FAAH2: variants seen among roughly 807,000 people sequenced by gnomAD.
FAAH2 encodes fatty acid amide hydrolase 2.
A neutral mutation model predicts 36.9 loss-of-function variants in FAAH2; 60 were observed. The ratio of observed to expected loss-of-function variants is 1.63; its 90% confidence interval spans 1.32 to 2.02. The LOEUF (loss-of-function observed/expected upper bound fraction) is 2.02. Ranked by LOEUF, FAAH2 falls within the 30% of genes most tolerant of loss-of-function variation. The pLI, the probability that FAAH2 is intolerant of heterozygous loss-of-function variation, is 0.00. For missense variants in FAAH2, 689 were observed against 397.5 expected, an observed-to-expected ratio of 1.73 and a Z score of -6.23; for synonymous variants, 214 against 143.8, an observed-to-expected ratio of 1.49 and a Z score of -3.49.
chrX:57,309,255 A>T (rs906819905), intron 2 of FAAH2, among the ~76,000 whole-genome samples: 1 of 111,763 alleles, frequency 8.9e-6, no homozygotes, highest in African/African-American at 3.2e-5. Flanking sequence ...ATTATAGAAC[A>T]TTTGCAAAAA....
chrX:57,258,787 C>T, the FAAH2 span, among the ~76,000 whole-genome samples: 1 of 105,137 alleles, frequency 9.5e-6, no homozygotes, highest in South Asian at 4.4e-4. Flanking sequence ...AGGCTCGCTG[C>T]AAGCTCCGCC....
chrX:57,381,602 G>A (rs2054852192), intron 7 of FAAH2: 3 of 581,050 alleles, frequency 5.2e-6, no homozygotes, highest in Non-Finnish European at 6.2e-6. Flanking sequence ...AATGGTAAAG[G>A]GATCAATTCA....
intron 5 of FAAH2, among the ~76,000 whole-genome samples, chrX:57,370,937 A>T (rs898443285): frequency 1.8e-5 from 2 of 111,469 alleles, no homozygotes; most frequent in Non-Finnish European, 3.8e-5. Flanking sequence ...AAGTTTGGGG[A>T]TCACTGCTCT....
the FAAH2 span, among the ~76,000 whole-genome samples, chrX:57,163,836 C>G: frequency 1.4e-4 from 16 of 112,525 alleles, no homozygotes; most frequent in East Asian, 3.9e-3. Context: ...GTTGCTCACG[C>G]TGGGAGCTGT....
chrX:57,299,591 G>A (rs2052272977), intron 2 of FAAH2, among the ~76,000 whole-genome samples: 1 of 111,938 alleles, frequency 8.9e-6, no homozygotes, highest in Non-Finnish European at 1.9e-5. Flanking sequence ...ACATAGTGTT[G>A]GAAGTTCTGT....
the FAAH2 span, among the ~76,000 whole-genome samples, chrX:57,173,000 C>T: frequency 1.8e-5 from 2 of 111,747 alleles, no homozygotes; most frequent in East Asian, 5.7e-4. Flanking sequence ...AACAAAAATG[C>T]CTGTCCTCAT....
At chrX:57,417,454 G>A (rs182927993) in intron 7 of FAAH2, among the ~76,000 whole-genome samples, 23 of 111,862 alleles carry the variant, frequency 2.1e-4, no homozygotes, top group Admixed American at 1.4e-3. Context: ...ATCCCTTTTG[G>A]TTTGTTAGTC....
At chrX:57,483,141 G>A (rs1351790964) in intron 10 of FAAH2, among the ~76,000 whole-genome samples, 20 of 111,318 alleles carry the variant, frequency 1.8e-4, no homozygotes, top group Non-Finnish European at 7.5e-5. Flanking sequence ...TCTTAGAAAT[G>A]CCAATATGTT....
At chrX:57,198,531 C>T in the FAAH2 span, among the ~76,000 whole-genome samples, 1 of 112,507 alleles carries the variant, frequency 8.9e-6, no homozygotes, top group Non-Finnish European at 1.9e-5. Flanking sequence ...CTGTCAGGCC[C>T]CTCTGCTCCC....
chrX:57,324,323 G>A (rs1212829125), intron 3 of FAAH2, among the ~76,000 whole-genome samples: 2 of 111,844 alleles, frequency 1.8e-5, no homozygotes, highest in Non-Finnish European at 3.8e-5. Context: ...GGCAATGCGG[G>A]CTCTTTTTTG....
At chrX:57,300,235 T>C (rs1290602521) in intron 2 of FAAH2, among the ~76,000 whole-genome samples, 1 of 111,273 alleles carries the variant, frequency 9.0e-6, no homozygotes, top group African/African-American at 3.3e-5. Context: ...ATCAAAACAG[T>C]ATGGTACTGG....
intron 7 of FAAH2, among the ~76,000 whole-genome samples, chrX:57,409,689 T>C (rs891927989): frequency 9.0e-6 from 1 of 111,365 alleles, no homozygotes; most frequent in African/African-American, 3.2e-5. Flanking sequence ...TCTGTTGACA[T>C]ATAATTGTTT....
rs1038251815 is a variant in FAAH2 at position 57,438,057 on chromosome X, G to A, written c.1116+6020G>A. 6.0e-5 allele frequency among the ~76,000 whole-genome samples: 6 copies of A among 100,201 alleles called. No homozygotes were observed. The East Asian group carries it at 9.4e-4, about 16-fold the overall frequency. The allele number at this position is 100,201 out of a possible 115,157, so 87.0% of individuals were successfully genotyped here. Reference sequence around the variant, plus strand: ...TATGTATATATATACACATATATACGTATATATGTATATACATACATACAC... The same window carrying A: ...TATGTATATATATACACATATATACATATATATGTATATACATACATACAC... On this transcript the variant is annotated intron_variant, in intron 8 of 10. Transcript: ENST00000374900.
the FAAH2 span, among the ~76,000 whole-genome samples, chrX:57,221,819 C>T: frequency 1.8e-5 from 2 of 110,102 alleles, no homozygotes; most frequent in African/African-American, 6.6e-5. Context: ...CATGTGAGCT[C>T]ACCTGGTGCA....
At chrX:57,448,104 C>A (rs752998106) in intron 9 of FAAH2, among the ~76,000 whole-genome samples, 1 of 111,376 alleles carries the variant, frequency 9.0e-6, no homozygotes. Flanking sequence ...ATCCTCCTGC[C>A]TCAACTCCTA....
rs184179905 is a variant in FAAH2 at position 57,344,362 on chromosome X, T to A, written c.742+2972T>A. Among the ~76,000 whole-genome samples the A allele has an allele frequency of 2.0e-4, 22 of 111,193 alleles. No homozygotes were observed. In the East Asian group the frequency reaches 6.0e-3, roughly 30 times the overall value. On this transcript the variant is annotated intron_variant, in intron 5 of 10. Coordinates refer to ENST00000374900, the MANE Select transcript of FAAH2 (RefSeq NM_174912.4). Reference sequence around the variant, plus strand: ...ATTTCTAGATATTGTAGTTTTGGTGTGGCTATTGTAAATGGGATTGCATTT... The same window carrying A: ...ATTTCTAGATATTGTAGTTTTGGTGAGGCTATTGTAAATGGGATTGCATTT...
the FAAH2 span, among the ~76,000 whole-genome samples, chrX:57,196,202 T>A: frequency 8.9e-6 from 1 of 112,229 alleles, no homozygotes; most frequent in African/African-American, 3.2e-5. Context: ...GTATGAACAT[T>A]TCTACAATAT....
chrX:57,433,798 CTA>C (rs2056353197), intron 8 of FAAH2, among the ~76,000 whole-genome samples: 1 of 111,987 alleles, frequency 8.9e-6, no homozygotes, highest in African/African-American at 3.2e-5. Context: ...TCTTTTTATA[CTA>C]TCTCTTAAAA....
the FAAH2 span, among the ~76,000 whole-genome samples, chrX:57,193,925 A>G: frequency 2.7e-5 from 3 of 111,493 alleles, no homozygotes; most frequent in Non-Finnish European, 5.7e-5. Flanking sequence ...GTTTGCTAGT[A>G]TTTTGTTGCA....
Sources: gnomAD v4.1 joint callset for allele counts (sites outside exome capture counted in the v4.1 genomes callset) on GRCh38, gnomAD v4.1.1 for gene constraint, MANE v1.5 for transcripts, NCBI Gene and HGNC (gene_info 2026-07-23, HGNC 2026-07-21) for gene names.